Variants in HBS1L observed in about 807,000 individuals in gnomAD.
HBS1L encodes HBS1 like translational GTPase.
A neutral mutation model predicts 88.9 loss-of-function variants in HBS1L; 55 were observed. The observed-to-expected ratio is 0.62, with a 90% CI of 0.50 to 0.77. The LOEUF (loss-of-function observed/expected upper bound fraction) is 0.77, where lower values mean the gene tolerates loss of function less well. HBS1L is among the 30% of genes least tolerant of loss of function. The pLI is 0.00. For missense variants in HBS1L, 741 were observed against 829.3 expected (o/e 0.89, Z 1.31); for synonymous variants, 267 against 288.5 (o/e 0.93, Z 0.76).
At chr6:135,052,640 G>C (rs1202914698) in intron 1 of HBS1L, among the ~76,000 whole-genome samples, 3 of 151,252 alleles carry the variant, frequency 2.0e-5, no homozygotes, top group Non-Finnish European at 4.4e-5. Flanking sequence ...TGTCAATGCT[G>C]AAGTTGACCC....
At chr6:134,982,850 G>T (rs1355605923) in intron 12 of HBS1L, 1 of 191,122 alleles carries the variant, frequency 5.2e-6, no homozygotes. Flanking sequence ...AAACTCTGGG[G>T]ATAAAAAAAA....
At chr6:135,004,643 A>T (rs2114821086) in intron 4 of HBS1L, among the ~76,000 whole-genome samples, 1 of 152,224 alleles carries the variant, frequency 6.6e-6, no homozygotes, top group African/African-American at 2.4e-5. Context: ...TAAGCAAAAG[A>T]GAGGGGAAAG....
At chr6:135,046,086 G>T (rs1776903975) in intron 2 of HBS1L, among the ~76,000 whole-genome samples, 1 of 152,056 alleles carries the variant, frequency 6.6e-6, no homozygotes, top group Non-Finnish European at 1.5e-5. Context: ...CTTTCCTCCT[G>T]CCACTTGCAT....
rs112879097 is a variant in HBS1L, at chr6:135,050,377, T to C, written c.109+205A>G. On this transcript the variant is annotated intron_variant, in intron 2 of 17. Transcript: ENST00000367837. ...AAAGAAGCCACAGTCTTTTTCACAT[T>C]ATTTAAAACTAAATAATAGAATCAC... Among the ~76,000 whole-genome samples the C allele has an allele frequency of 3.6e-3, 545 of 152,360 alleles. 6 individuals are homozygous for C. Among genetic ancestry groups the C allele is most frequent in the Non-Finnish European group, 6.5e-3 (444 of 68,022 alleles).
intron 9 of HBS1L, among the ~76,000 whole-genome samples, chr6:134,987,027 A>G (rs1372331304): frequency 6.6e-6 from 1 of 152,180 alleles, no homozygotes; most frequent in South Asian, 2.1e-4. Flanking sequence ...AGCAAGTCTT[A>G]AAACGTACAT....
chr6:135,002,930 T>C (rs539901403), intron 4 of HBS1L, 88 bp from the exon 5 acceptor site: 3 of 757,744 alleles, frequency 4.0e-6, no homozygotes, highest in South Asian at 3.5e-5. Context: ...TTATAGATTA[T>C]GATAACTTTC....
At chr6:135,041,401 TATAAA>T (rs1395896846) in intron 3 of HBS1L, among the ~76,000 whole-genome samples, 3 of 151,506 alleles carry the variant, frequency 2.0e-5, no homozygotes, top group Non-Finnish European at 4.4e-5. Context: ...TATTTATACT[TATAAA>T]AGAAGAAAGC....
intron 4 of HBS1L, chr6:135,037,142 C>A (rs1308302327): frequency 1.3e-6 from 2 of 1,551,538 alleles, no homozygotes; most frequent in Non-Finnish European, 1.7e-6. Flanking sequence ...TTATGAAATG[C>A]CAATGACGAC....
rs201777681 is a variant in HBS1L, at chr6:135,013,588, CAGAAT to C, written c.431-10751_431-10747del. On this transcript the variant is annotated intron_variant, in intron 4 of 17. Coordinates refer to ENST00000367837, the MANE Select transcript of HBS1L (RefSeq NM_006620.4). The stretch of plus-strand genomic sequence containing the variant: ...ATACTTTTAAAACTTACTCTGACCC[CAGAAT>C]AGAAAATGGATTGTGGAGGCAAGAT... 6.7e-3 allele frequency among the ~76,000 whole-genome samples: 1,022 copies of C among 152,230 alleles called. 11 individuals are homozygous for C. Among genetic ancestry groups the C allele is most frequent in the African/African-American group, 0.024 (981 of 41,540 alleles).
chr6:135,050,742 C>A, intron 1 of HBS1L, 95 bp from the exon 2 acceptor site: 2 of 759,750 alleles, frequency 2.6e-6, no homozygotes. Context: ...CCAAAATAAA[C>A]TGTTTATCAA....
At position 134,979,984 on chromosome 6, in the gene HBS1L, G is replaced by A. The variant is rs142156815; in HGVS notation, c.1598-716C>T. Among the ~76,000 whole-genome samples the A allele has an allele frequency of 7.4e-4, 113 of 152,034 alleles. 1 individual carries two copies. Among genetic ancestry groups the A allele is most frequent in the African/African-American group, 2.5e-3 (105 of 41,522 alleles). ...CCTAGACATAGTCCTGAAGGTAGTC[G>A]GAGAGAGCAGTTCCCAAGGGCAATA... On this transcript the variant is annotated intron_variant, in intron 13 of 17. Coordinates refer to ENST00000367837, the MANE Select transcript of HBS1L (RefSeq NM_006620.4).
intron 5 of HBS1L, among the ~76,000 whole-genome samples, chr6:135,002,256 TGTCTTTGCTACAATGGTCCAATTTAC>T (rs1313843453): frequency 9.2e-5 from 14 of 152,308 alleles, no homozygotes; most frequent in South Asian, 4.1e-4. Context: ...TCATATCATA[TGTCTTTGCTACAATGGTCCAATTTAC>T]GTCTTTGCTA....
intron 4 of HBS1L, among the ~76,000 whole-genome samples, chr6:135,025,014 T>A (rs1776186223): frequency 6.6e-6 from 1 of 152,090 alleles, no homozygotes; most frequent in Admixed American, 6.6e-5. Context: ...AAGAAAGAAA[T>A]TATCACAAGC....
intron 2 of HBS1L, among the ~76,000 whole-genome samples, chr6:135,048,884 T>A (rs1471298241): frequency 6.6e-6 from 1 of 152,188 alleles, no homozygotes; most frequent in East Asian, 1.9e-4. Context: ...GCTAGATGCA[T>A]TTCAGAATAA....
rs139623470 is a variant in HBS1L, at chr6:135,001,215, A to G, written c.539+1519T>C. Among the ~76,000 whole-genome samples, 4 of 152,346 alleles carry G rather than the reference A, an allele frequency of 2.6e-5. No individual in the cohort carries two copies. The East Asian group carries it at 7.7e-4, about 29-fold the overall frequency. On this transcript the variant is annotated intron_variant, in intron 5 of 17. Coordinates refer to ENST00000367837, the MANE Select transcript of HBS1L (RefSeq NM_006620.4). Reference sequence around the variant, plus strand: ...AAAAGGAATACAGTGATGAACATTAACAGTCCCTGGCCTCACAAAGAATAT... The same window carrying G: ...AAAAGGAATACAGTGATGAACATTAGCAGTCCCTGGCCTCACAAAGAATAT...
At chr6:135,037,953 C>G in intron 4 of HBS1L, 1 of 1,544,284 alleles carries the variant, frequency 6.5e-7, no homozygotes, top group East Asian at 2.4e-5. Context: ...TACTATAATC[C>G]AAATGATTTG....
rs77470493 is a variant in HBS1L, at chr6:135,009,049, T to C, written c.431-6207A>G. Among the ~76,000 whole-genome samples the C allele has an allele frequency of 1.2e-3, 183 of 152,304 alleles. 1 individual carries two copies. The highest frequency in any genetic ancestry group is 4.4e-3 in the African/African-American group (181 of 41,556). On this transcript the variant is annotated intron_variant, in intron 4 of 17. Transcript: ENST00000367837. The stretch of plus-strand genomic sequence containing the variant: ...TACCAGCTACCTCCCAAAGTTGAGA[T>C]ATAAATTCTAGAAAGCCAACATGGC...
At chr6:134,985,066 G>GA (rs966110008) in intron 12 of HBS1L, among the ~76,000 whole-genome samples, 4 of 150,666 alleles carry the variant, frequency 2.7e-5, no homozygotes, top group East Asian at 1.9e-4. Context: ...TCTAATGGGA[G>GA]AAAAAAAAAC....
intron 5 of HBS1L, chr6:135,002,496 ATATTTATG>A (rs2114815677): frequency 3.5e-6 from 1 of 281,834 alleles, no homozygotes; most frequent in South Asian, 7.9e-5. Context: ...TAGCTATAAA[ATATTTATG>A]TAAGAAAACT....
Sources: gnomAD v4.1 joint callset for allele counts (sites outside exome capture counted in the v4.1 genomes callset) on GRCh38, gnomAD v4.1.1 for gene constraint, MANE v1.5 for transcripts, NCBI Gene and HGNC (gene_info 2026-07-23, HGNC 2026-07-21) for gene names.